The following MAP4K3 variants were observed in gnomAD, a reference collection of about 807,000 sequenced individuals.
MAP4K3 encodes the protein mitogen-activated protein kinase kinase kinase kinase 3, also known as MAPK/ERK kinase kinase kinase 3.
MAP4K3 carries 94 observed loss-of-function variants against 143.5 expected under a neutral mutation model. That is an observed-to-expected ratio of 0.65 (90% CI 0.55 to 0.78). The LOEUF is 0.78. MAP4K3 is among the 30% of genes least tolerant of loss of function. MAP4K3 has a pLI of 0.00. For synonymous variants in MAP4K3, 416 were observed against 347.2 expected (o/e 1.20, Z -2.20); for missense variants, 1,077 against 1,068.1 (o/e 1.01, Z -0.12).
In MAP4K3 at chr2:39,437,120, G is replaced by GGCTGCC; in HGVS notation, c.-134_-133insGGCAGC. On this transcript the variant is annotated 5_prime_UTR_variant, in exon 1 of 34. Coordinates refer to ENST00000263881, the MANE Select transcript of MAP4K3 (RefSeq NM_003618.4). ...TCACAATCACCCGGCTCCACGCTGC[G>GGCTGCC]GCCGCCGCCGCCGCCGCCGCTCCCC... The GGCTGCC allele has an allele frequency of 1.9e-6, 1 of 513,128 alleles. No homozygotes were observed. 31.8% of individuals were successfully genotyped at this position (513,128 alleles called of 1,614,324 possible). A position where few individuals can be genotyped will look rare whatever the true frequency, so the allele number is the denominator to read the frequency against.
At chr2:39,256,805 G>A (rs1680358124) in intron 31 of MAP4K3, among the ~76,000 whole-genome samples, 1 of 152,132 alleles carries the variant, frequency 6.6e-6, no homozygotes, top group South Asian at 2.1e-4. Flanking sequence ...GGGGGAGGTA[G>A]GTAAAAAAAC....
chr2:39,283,071 T>C (rs1294753581), intron 21 of MAP4K3, among the ~76,000 whole-genome samples: 3 of 152,248 alleles, frequency 2.0e-5, no homozygotes, highest in African/African-American at 7.2e-5. Context: ...AGAACACAGA[T>C]GCTGAAATAA....
chr2:39,271,207 G>A (rs1053481628), intron 26 of MAP4K3, among the ~76,000 whole-genome samples: 1 of 152,028 alleles, frequency 6.6e-6, no homozygotes, highest in Non-Finnish European at 1.5e-5. Context: ...CATACCATAT[G>A]GAAACTCCTT....
chr2:39,360,578 C>G (rs1665739577), intron 2 of MAP4K3, among the ~76,000 whole-genome samples: 1 of 152,150 alleles, frequency 6.6e-6, no homozygotes. Flanking sequence ...CTAGTCCATT[C>G]TCGTGCTGCT....
chr2:39,317,653 A>C (rs1683162028), intron 12 of MAP4K3, among the ~76,000 whole-genome samples: 1 of 152,228 alleles, frequency 6.6e-6, no homozygotes, highest in African/African-American at 2.4e-5. Context: ...ATATGAAAAA[A>C]TGCTTGAACA....
Position 39,385,304 on chromosome 2 carries a change from C to T in MAP4K3, c.97-7181G>A, listed in dbSNP as rs76831590. On this transcript the variant is annotated intron_variant, in intron 1 of 33. Coordinates refer to ENST00000263881, the MANE Select transcript of MAP4K3 (RefSeq NM_003618.4). Reference sequence around the variant, plus strand: ...TACCATTTTTCATTCCCAGAAGCAACGCATGGTGGGGTTCCACTTGCTTCA... The same window carrying T: ...TACCATTTTTCATTCCCAGAAGCAATGCATGGTGGGGTTCCACTTGCTTCA... Among the ~76,000 whole-genome samples, 162 of 152,128 alleles carry T rather than the reference C, an allele frequency of 1.1e-3. 9 individuals are homozygous for T. In the East Asian group the frequency reaches 0.026, roughly 25 times the overall value.
At chr2:39,357,432 G>T (rs1193495573) in intron 2 of MAP4K3, among the ~76,000 whole-genome samples, 3 of 152,228 alleles carry the variant, frequency 2.0e-5, no homozygotes, top group East Asian at 3.8e-4. Context: ...ATTGTGGTAA[G>T]CCCTGACATT....
chr2:39,261,922 G>C (rs559569196), intron 28 of MAP4K3, among the ~76,000 whole-genome samples: 1 of 152,064 alleles, frequency 6.6e-6, no homozygotes, highest in Non-Finnish European at 1.5e-5. Flanking sequence ...GAACTTTCTA[G>C]GTTTCCTTTG....
chr2:39,269,470 C>T (rs372136802), intron 26 of MAP4K3, among the ~76,000 whole-genome samples: 111 of 89,650 alleles, frequency 1.2e-3, no homozygotes, highest in Admixed American at 1.7e-3. Context: ...TTGCTCAGGT[C>T]TTTTTTTTTT....
At chr2:39,377,009 T>A (rs1393124545) in intron 2 of MAP4K3, among the ~76,000 whole-genome samples, 1 of 152,150 alleles carries the variant, frequency 6.6e-6, no homozygotes, top group East Asian at 1.9e-4. Context: ...CTGGAAAATT[T>A]TTTTAATTCA....
At chr2:39,261,762 C>T (rs1179624307) in intron 28 of MAP4K3, among the ~76,000 whole-genome samples, 1 of 152,048 alleles carries the variant, frequency 6.6e-6, no homozygotes, top group African/African-American at 2.4e-5. Context: ...CTATGTCCAG[C>T]AACTATACAA....
chr2:39,272,426 A>G, intron 25 of MAP4K3, 26 bp from the exon 26 acceptor site: 1 of 1,600,826 alleles, frequency 6.2e-7, no homozygotes, highest in Non-Finnish European at 8.6e-7. Flanking sequence ...GATATGACAT[A>G]AAAGCTAATA....
At chr2:39,252,758 A>G (rs1171336170) in intron 32 of MAP4K3, among the ~76,000 whole-genome samples, 1 of 152,266 alleles carries the variant, frequency 6.6e-6, no homozygotes, top group East Asian at 1.9e-4. Flanking sequence ...GATTTTCTAG[A>G]AACACTAATG....
chr2:39,395,180 A>G (rs2148600479), intron 1 of MAP4K3, among the ~76,000 whole-genome samples: 1 of 152,336 alleles, frequency 6.6e-6, no homozygotes, highest in Admixed American at 6.5e-5. Context: ...ATGAAGTACT[A>G]ATATTGCAAT....
chr2:39,396,597 C>T (rs1008886907), intron 1 of MAP4K3, among the ~76,000 whole-genome samples: 4 of 151,660 alleles, frequency 2.6e-5, no homozygotes, highest in Non-Finnish European at 5.9e-5. Flanking sequence ...CCTCAGCCTC[C>T]CAAGTAGCTG....
At chr2:39,377,511 T>A (rs1249579180) in intron 2 of MAP4K3, among the ~76,000 whole-genome samples, 1 of 151,990 alleles carries the variant, frequency 6.6e-6, no homozygotes, top group African/African-American at 2.4e-5. Flanking sequence ...AAGAACATAG[T>A]TGAAGCAGAC....
chr2:39,430,676 C>CACT (rs1259927118), intron 1 of MAP4K3, among the ~76,000 whole-genome samples: 3 of 152,162 alleles, frequency 2.0e-5, no homozygotes, highest in Non-Finnish European at 4.4e-5. Context: ...CTGCTGTATT[C>CACT]ACTAGTCAGT....
At chr2:39,329,526 G>C (rs990720865) in intron 8 of MAP4K3, among the ~76,000 whole-genome samples, 2 of 152,142 alleles carry the variant, frequency 1.3e-5, no homozygotes, top group Non-Finnish European at 1.5e-5. Flanking sequence ...TGACAAGCTA[G>C]GTTTAAAAAG....
At chr2:39,270,629 T>C (rs986233933) in intron 26 of MAP4K3, among the ~76,000 whole-genome samples, 12 of 152,194 alleles carry the variant, frequency 7.9e-5, no homozygotes, top group African/African-American at 2.9e-4. Context: ...CAAGGTCCCA[T>C]ACCTAGTAAG....
Sources: gnomAD v4.1 joint callset for allele counts (sites outside exome capture counted in the v4.1 genomes callset) on GRCh38, gnomAD v4.1.1 for gene constraint, MANE v1.5 for transcripts, NCBI Gene and HGNC (gene_info 2026-07-23, HGNC 2026-07-21) for gene names.